The following LEKR1 variants were observed in gnomAD, a reference collection of about 807,000 sequenced individuals.
LEKR1 encodes leucine, glutamate and lysine rich 1.
In LEKR1, 59 loss-of-function variants were observed where a neutral mutation model predicts 72.4. The observed-to-expected ratio is 0.82, with a 90% CI of 0.66 to 1.01. The LOEUF is 1.01. Among genes scored for constraint, LEKR1 ranks in the 50% least tolerant of loss-of-function variants. LEKR1 has a pLI of 0.00. For missense variants in LEKR1, 728 were observed against 759.2 expected (o/e 0.96, Z 0.48); for synonymous variants, 257 against 263.2 (o/e 0.98, Z 0.23).
chr3:156,892,604 T>G (rs1720774875), intron 3 of LEKR1, among the ~76,000 whole-genome samples: 1 of 152,204 alleles, frequency 6.6e-6, no homozygotes, highest in Admixed American at 6.5e-5. Context: ...GTGCTTTGGC[T>G]TAATGCCCTT....
At chr3:157,035,537 G>A (rs1734898395) in intron 12 of LEKR1, among the ~76,000 whole-genome samples, 1 of 152,108 alleles carries the variant, frequency 6.6e-6, no homozygotes, top group Non-Finnish European at 1.5e-5. Flanking sequence ...CAAGTAACCA[G>A]GCTTATGTAT....
At chr3:156,885,778 C>T (rs535681549) in intron 3 of LEKR1, among the ~76,000 whole-genome samples, 4,847 of 152,362 alleles carry the variant, frequency 0.032, 116 homozygotes, top group Non-Finnish European at 0.047. Context: ...CATGGATACA[C>T]TCAGGACCTC....
At chr3:157,040,349 TACA>T (rs962113255) in intron 12 of LEKR1, among the ~76,000 whole-genome samples, 2 of 152,246 alleles carry the variant, frequency 1.3e-5, no homozygotes, top group African/African-American at 4.8e-5. Context: ...CCTCTGTTGC[TACA>T]ACTTTTGTTT....
intron 7 of LEKR1, among the ~76,000 whole-genome samples, chr3:156,981,127 G>C (rs557651606): frequency 1.3e-5 from 2 of 152,076 alleles, no homozygotes; most frequent in Non-Finnish European, 2.9e-5. Flanking sequence ...AGGCTATATC[G>C]TATAGCCTAC....
intron 3 of LEKR1, among the ~76,000 whole-genome samples, chr3:156,880,930 G>A (rs910116534): frequency 1.3e-5 from 2 of 152,072 alleles, no homozygotes; most frequent in Non-Finnish European, 2.9e-5. Flanking sequence ...TGCAGAAAAG[G>A]CCTTCGACAA....
chr3:157,014,848 A>G (rs1733181827), intron 10 of LEKR1, among the ~76,000 whole-genome samples: 1 of 152,188 alleles, frequency 6.6e-6, no homozygotes, highest in Non-Finnish European at 1.5e-5. Context: ...AAACACTTAC[A>G]GAAGTTAGGT....
At chr3:156,952,777 T>C (rs1036400167) in intron 6 of LEKR1, among the ~76,000 whole-genome samples, 1 of 151,508 alleles carries the variant, frequency 6.6e-6, no homozygotes, top group Non-Finnish European at 1.5e-5. Context: ...CTTTGAAGCA[T>C]AGTAATACCA....
intron 3 of LEKR1, among the ~76,000 whole-genome samples, chr3:156,893,404 G>A (rs1267920004): frequency 6.6e-6 from 1 of 152,192 alleles, no homozygotes; most frequent in Non-Finnish European, 1.5e-5. Context: ...GCTACACTCA[G>A]ATTATAGGAA....
At chr3:156,905,988 C>T (rs929069507) in intron 3 of LEKR1, among the ~76,000 whole-genome samples, 4 of 152,088 alleles carry the variant, frequency 2.6e-5, no homozygotes, top group Admixed American at 2.0e-4. Flanking sequence ...TTTTCAGACC[C>T]GGAACTTCCA....
intron 2 of LEKR1, among the ~76,000 whole-genome samples, chr3:156,837,425 C>T (rs978687475): frequency 5.9e-5 from 9 of 152,180 alleles, no homozygotes; most frequent in African/African-American, 2.2e-4. Context: ...GAGTGTACCT[C>T]CACATGGTCA....
At chr3:157,034,624 A>T (rs1734839106) in intron 12 of LEKR1, among the ~76,000 whole-genome samples, 1 of 152,218 alleles carries the variant, frequency 6.6e-6, no homozygotes, top group Non-Finnish European at 1.5e-5. Flanking sequence ...AAATTACAAC[A>T]AAGGATTTGG....
chr3:156,977,300 G>A (rs1420096924), intron 6 of LEKR1, among the ~76,000 whole-genome samples: 1 of 152,134 alleles, frequency 6.6e-6, no homozygotes, highest in East Asian at 1.9e-4. Flanking sequence ...TTTCCTTGTT[G>A]GAGGAAATGG....
intron 12 of LEKR1, among the ~76,000 whole-genome samples, chr3:157,030,207 G>T (rs1734502717): frequency 6.6e-6 from 1 of 152,144 alleles, no homozygotes; most frequent in African/African-American, 2.4e-5. Flanking sequence ...AACACAGCAA[G>T]AACTCATTCA....
chr3:156,878,406 C>T (rs62275190), intron 3 of LEKR1, among the ~76,000 whole-genome samples: 4,846 of 152,252 alleles, frequency 0.032, 117 homozygotes, highest in Non-Finnish European at 0.047. Context: ...AAAAGTAGAT[C>T]ACTTAATTTC....
intron 1 of LEKR1, among the ~76,000 whole-genome samples, chr3:156,829,057 A>C (rs1712023668): frequency 6.6e-6 from 1 of 152,244 alleles, no homozygotes; most frequent in Admixed American, 6.5e-5. Context: ...CAAAAGAGAA[A>C]ATATTCTTTC....
intron 5 of LEKR1, among the ~76,000 whole-genome samples, chr3:156,939,186 T>TA (rs1725983701): frequency 6.6e-6 from 1 of 152,210 alleles, no homozygotes; most frequent in Admixed American, 6.5e-5. Flanking sequence ...GATAAGGTTT[T>TA]TAAAGAGGTC....
At chr3:156,924,071 G>A (rs1036701222) in intron 4 of LEKR1, among the ~76,000 whole-genome samples, 1 of 152,074 alleles carries the variant, frequency 6.6e-6, no homozygotes, top group Non-Finnish European at 1.5e-5. Flanking sequence ...TTCCAAAGGG[G>A]CTGCACATTT....
chr3:156,963,693 A>AC (rs749857777), intron 6 of LEKR1, among the ~76,000 whole-genome samples: 10 of 152,042 alleles, frequency 6.6e-5, no homozygotes, highest in Non-Finnish European at 1.3e-4. Context: ...AGCCATAGGT[A>AC]CCCCCTTACT....
At chr3:157,033,491 T>C (rs1030534050) in intron 12 of LEKR1, among the ~76,000 whole-genome samples, 2 of 152,168 alleles carry the variant, frequency 1.3e-5, no homozygotes, top group Non-Finnish European at 1.5e-5. Context: ...AGCCAAAGCC[T>C]AATCCAGAGC....
Sources: gnomAD v4.1 joint callset for allele counts (sites outside exome capture counted in the v4.1 genomes callset) on GRCh38, gnomAD v4.1.1 for gene constraint, MANE v1.5 for transcripts, NCBI Gene and HGNC (gene_info 2026-07-23, HGNC 2026-07-21) for gene names.